The following DNAI4 variants were observed in gnomAD, a reference collection of about 807,000 sequenced individuals.
The protein encoded by DNAI4 is WD repeat domain 78.
DNAI4 carries 85 observed loss-of-function variants against 105.8 expected under a neutral mutation model. The ratio of observed to expected loss-of-function variants is 0.80; its 90% CI spans 0.67 to 0.96. The LOEUF (loss-of-function observed/expected upper bound fraction) is 0.96, where lower values mean the gene tolerates loss of function less well. Ranked by LOEUF, DNAI4 falls within the 40% of genes least tolerant of loss-of-function variation. The pLI, the probability that DNAI4 is intolerant of heterozygous loss-of-function variation, is 0.00. For missense variants in DNAI4, 1,014 were observed against 1,005.6 expected (o/e 1.01, Z -0.11); for synonymous variants, 352 against 331.5 (o/e 1.06, Z -0.67).
At chr1:66,866,188 TC>T (rs1455575706) in intron 6 of DNAI4, among the ~76,000 whole-genome samples, 1 of 151,748 alleles carries the variant, frequency 6.6e-6, no homozygotes, top group Non-Finnish European at 1.5e-5. Context: ...GCACTTGTAG[TC>T]CCAGCTACTT....
chr1:66,845,149 C>G (rs1646243830), intron 8 of DNAI4, among the ~76,000 whole-genome samples: 1 of 111,966 alleles, frequency 8.9e-6, no homozygotes, highest in Non-Finnish European at 1.8e-5. Context: ...CAAGATCGTG[C>G]CTTTGCACTC....
chr1:66,905,918 CTTTTTTT>C (rs34206774), intron 1 of DNAI4, among the ~76,000 whole-genome samples: 1 of 96,404 alleles, frequency 1.0e-5, no homozygotes, highest in Non-Finnish European at 1.9e-5. Flanking sequence ...TTATATACTA[CTTTTTTT>C]TTTTTTTTTT....
chr1:66,892,949 AG>A (rs57802592), intron 3 of DNAI4, among the ~76,000 whole-genome samples: 10,660 of 62,346 alleles, frequency 0.17, 1,038 homozygotes, highest in Middle Eastern at 0.28. Flanking sequence ...GAGAAGAAAG[AG>A]AAGAAAGAAA....
At chr1:66,919,160 C>T in intron 1 of DNAI4, 1 of 428,762 alleles carries the variant, frequency 2.3e-6, no homozygotes, top group South Asian at 1.7e-5. Context: ...ACCTTAGGCA[C>T]ATGTTGCCAG....
intron 1 of DNAI4, among the ~76,000 whole-genome samples, chr1:66,920,522 G>A (rs1650396527): frequency 6.6e-6 from 1 of 152,120 alleles, no homozygotes; most frequent in Admixed American, 6.5e-5. Flanking sequence ...TTTGGGCATC[G>A]TGGATACCCT....
intron 1 of DNAI4, among the ~76,000 whole-genome samples, chr1:66,919,429 G>A (rs1277578180): frequency 6.6e-6 from 1 of 152,220 alleles, no homozygotes; most frequent in Non-Finnish European, 1.5e-5. Flanking sequence ...GTTGAAAACA[G>A]AGAATCACAA....
At chr1:66,818,896 A>G (rs1462826080) in intron 16 of DNAI4, among the ~76,000 whole-genome samples, 1 of 152,116 alleles carries the variant, frequency 6.6e-6, no homozygotes, top group African/African-American at 2.4e-5. Context: ...CTGGGCGACA[A>G]GAGTGAGACT....
chr1:66,834,739 G>C (rs992072064), intron 11 of DNAI4, among the ~76,000 whole-genome samples: 2 of 151,848 alleles, frequency 1.3e-5, no homozygotes, highest in Non-Finnish European at 2.9e-5. Context: ...TGTTCTTTTC[G>C]TGGTACTGAC....
intron 2 of DNAI4, among the ~76,000 whole-genome samples, chr1:66,896,005 G>A (rs1361830772): frequency 6.6e-6 from 1 of 152,008 alleles, no homozygotes; most frequent in Non-Finnish European, 1.5e-5. Flanking sequence ...AGTGAAATTG[G>A]CATATAATAT....
intron 1 of DNAI4, among the ~76,000 whole-genome samples, chr1:66,916,665 T>TG (rs1650095497): frequency 6.6e-6 from 1 of 152,204 alleles, no homozygotes; most frequent in African/African-American, 2.4e-5. Flanking sequence ...GACCAGTATA[T>TG]GGGCCCCTGT....
At chr1:66,905,918 C>CTTTT (rs34206774) in intron 1 of DNAI4, among the ~76,000 whole-genome samples, 274 of 96,368 alleles carry the variant, frequency 2.8e-3, no homozygotes, top group Non-Finnish European at 3.6e-3. Context: ...TTATATACTA[C>CTTTT]TTTTTTTTTT....
intron 16 of DNAI4, among the ~76,000 whole-genome samples, chr1:66,819,484 A>T (rs1037664736): frequency 1.3e-5 from 2 of 152,054 alleles, no homozygotes; most frequent in Admixed American, 1.3e-4. Flanking sequence ...CTTAGAAACC[A>T]TGTCTTTTGC....
At chr1:66,893,009 G>GGAA (rs1647865997) in intron 3 of DNAI4, among the ~76,000 whole-genome samples, 12 of 103,264 alleles carry the variant, frequency 1.2e-4, no homozygotes, top group African/African-American at 2.5e-4. Context: ...GAGAAAGAGA[G>GGAA]AGAGGAAAGA....
At chr1:66,856,313 CAA>C (rs533761606) in intron 7 of DNAI4, among the ~76,000 whole-genome samples, 1 of 142,204 alleles carries the variant, frequency 7.0e-6, no homozygotes. Flanking sequence ...ACTAAAAATA[CAA>C]AAAAAAAAAT....
At chr1:66,872,343 C>T (rs933532529) in intron 5 of DNAI4, among the ~76,000 whole-genome samples, 1 of 152,120 alleles carries the variant, frequency 6.6e-6, no homozygotes, top group Non-Finnish European at 1.5e-5. Flanking sequence ...ATTCTCCTGC[C>T]TCGGCCTCCC....
chr1:66,898,556 G>A (rs1270350037), intron 2 of DNAI4, among the ~76,000 whole-genome samples: 1 of 152,086 alleles, frequency 6.6e-6, no homozygotes, highest in Admixed American at 6.6e-5. Context: ...ATAAAAGTCA[G>A]TTTCTCCATC....
chr1:66,822,291 T>C, intron 16 of DNAI4, 70 bp downstream of exon 16: 2 of 1,337,668 alleles, frequency 1.5e-6, no homozygotes, highest in South Asian at 3.3e-5. Flanking sequence ...TGTAAATCCT[T>C]TGCATGCTAC....
rs533199999 is a variant in DNAI4 at position 66,854,726 on chromosome 1, G to A, written c.1097-7048C>T. Among the ~76,000 whole-genome samples, 35 of 152,194 alleles carry A rather than the reference G, an allele frequency of 2.3e-4. 1 individual carries two copies. Among genetic ancestry groups the A allele is most frequent in the South Asian group, 1.7e-3 (8 of 4,820 alleles). On this transcript the variant is annotated intron_variant, in intron 7 of 16. Coordinates refer to ENST00000371026, the MANE Select transcript of DNAI4 (RefSeq NM_024763.5). ...TGAGGCAGGAGAATGGCTTGAACCC[G>A]GGAGGAGGCAGAGATTGCATTGAGC... is the stretch of plus-strand genomic sequence containing the variant.
intron 4 of DNAI4, among the ~76,000 whole-genome samples, chr1:66,878,720 C>T (rs560505534): frequency 2.0e-5 from 3 of 152,208 alleles, no homozygotes; most frequent in Admixed American, 6.5e-5. Context: ...TCTGTAATCT[C>T]CCACTCCAAC....
Sources: gnomAD v4.1 joint callset for allele counts (sites outside exome capture counted in the v4.1 genomes callset) on GRCh38, gnomAD v4.1.1 for gene constraint, MANE v1.5 for transcripts, NCBI Gene and HGNC (gene_info 2026-07-23, HGNC 2026-07-21) for gene names.